Variants in LHFPL1 observed in about 807,000 individuals in gnomAD.
LHFPL1 encodes LHFPL tetraspan subfamily member 1.
A neutral mutation model predicts 12.1 loss-of-function variants in LHFPL1; 4 were observed. That is an observed-to-expected ratio of 0.33 (90% confidence interval 0.16 to 0.76). LHFPL1 has a LOEUF of 0.76. LHFPL1 is among the 30% of genes least tolerant of loss of function. LHFPL1 has a pLI of 0.61. For synonymous variants in LHFPL1, 52 were observed against 61.9 expected, an observed-to-expected ratio of 0.84 and a Z score of 0.75; for missense variants, 141 against 174.1, an observed-to-expected ratio of 0.81 and a Z score of 1.07.
In LHFPL1 at chrX:112,671,405, C is replaced by T. The variant is rs1931501693; in HGVS notation, c.-14-1G>A. 2 of 1,210,011 alleles carry T rather than the reference C, an allele frequency of 1.7e-6. No homozygotes were observed. Among genetic ancestry groups the T allele is most frequent in the Non-Finnish European group, 2.2e-6 (2 of 895,299 alleles). On this transcript the variant is annotated splice_acceptor_variant, in intron 1 of 3. Transcript: ENST00000371968. LOFTEE classifies it low-confidence loss of function (5UTR_SPLICE). ...CTGCTCCTCATGGTCACAGGTTTCT[C>T]TGCAGGGATGGGGAGATGAGTTGGA... is the stretch of plus-strand genomic sequence containing the variant.
intron 3 of LHFPL1, among the ~76,000 whole-genome samples, chrX:112,658,538 C>T (rs1049855842): frequency 2.7e-5 from 3 of 109,817 alleles, no homozygotes; most frequent in African/African-American, 6.6e-5. Flanking sequence ...AAAAGATGTT[C>T]GAAATCATCA....
chrX:112,675,491 G>T (rs2147734756), intron 1 of LHFPL1, among the ~76,000 whole-genome samples: 1 of 112,048 alleles, frequency 8.9e-6, no homozygotes. Flanking sequence ...GCGACGTTTT[G>T]AAGCCAAGAC....
At chrX:112,669,338 A>G (rs1298889419) in intron 2 of LHFPL1, among the ~76,000 whole-genome samples, 1 of 112,578 alleles carries the variant, frequency 8.9e-6, no homozygotes, top group African/African-American at 3.2e-5. Context: ...TGTAATACCC[A>G]TGGAGCTTCC....
chrX:112,675,861 A>G (rs942351683), intron 1 of LHFPL1, among the ~76,000 whole-genome samples: 2 of 112,720 alleles, frequency 1.8e-5, no homozygotes, highest in African/African-American at 6.4e-5. Context: ...ATATAAAGTT[A>G]AAAGTGACTA....
chrX:112,639,239 C>T (rs760520879), intron 3 of LHFPL1, among the ~76,000 whole-genome samples: 41 of 105,089 alleles, frequency 3.9e-4, no homozygotes, highest in African/African-American at 1.4e-3. Flanking sequence ...CCAAGCTGGG[C>T]GTGAGTGTCA....
intron 3 of LHFPL1, among the ~76,000 whole-genome samples, chrX:112,654,745 T>C (rs1334731656): frequency 9.0e-6 from 1 of 111,448 alleles, no homozygotes. Flanking sequence ...ACATGAATTA[T>C]TTTTATTTAA....
At chrX:112,661,291 C>T (rs758655229) in intron 2 of LHFPL1, among the ~76,000 whole-genome samples, 58 of 111,143 alleles carry the variant, frequency 5.2e-4, no homozygotes, top group African/African-American at 1.5e-3. Context: ...TGACGCCTTA[C>T]GCTAAATAAA....
intron 3 of LHFPL1, among the ~76,000 whole-genome samples, chrX:112,637,074 T>C (rs1240577895): frequency 3.6e-5 from 4 of 112,025 alleles, no homozygotes; most frequent in African/African-American, 1.3e-4. Flanking sequence ...TATTCCTTTT[T>C]GTGCTCTTCT....
intron 2 of LHFPL1, among the ~76,000 whole-genome samples, chrX:112,669,523 T>C (rs892287369): frequency 8.9e-6 from 1 of 112,535 alleles, no homozygotes; most frequent in African/African-American, 3.2e-5. Context: ...AATTCAGATT[T>C]AAAACTTTTA....
chrX:112,661,474 C>T (rs1444064699), intron 2 of LHFPL1, among the ~76,000 whole-genome samples: 2 of 111,745 alleles, frequency 1.8e-5, no homozygotes, highest in Non-Finnish European at 3.8e-5. Flanking sequence ...TACGTTTTCA[C>T]ATTTTATATC....
chrX:112,643,483 C>T (rs781620952), intron 3 of LHFPL1, among the ~76,000 whole-genome samples: 126 of 110,635 alleles, frequency 1.1e-3, no homozygotes, highest in African/African-American at 3.9e-3. Flanking sequence ...GGCACCTCTT[C>T]ACAGAGCAGC....
intron 3 of LHFPL1, among the ~76,000 whole-genome samples, chrX:112,655,762 T>C (rs2147714846): frequency 9.0e-6 from 1 of 111,228 alleles, no homozygotes; most frequent in Admixed American, 9.6e-5. Context: ...AAAGAGAGGG[T>C]TTCACCATGT....
At chrX:112,675,723 A>C (rs12396656) in intron 1 of LHFPL1, among the ~76,000 whole-genome samples, 25,823 of 110,761 alleles carry the variant, frequency 0.23, 4,751 homozygotes, top group African/African-American at 0.63. Flanking sequence ...AAGTCCCAAA[A>C]AACCTTGGAT....
intron 1 of LHFPL1, among the ~76,000 whole-genome samples, chrX:112,674,061 T>C (rs896808697): frequency 8.9e-6 from 1 of 111,795 alleles, no homozygotes; most frequent in African/African-American, 3.3e-5. Flanking sequence ...TATAAGGCCA[T>C]AGTCACCAAA....
intron 2 of LHFPL1, among the ~76,000 whole-genome samples, chrX:112,662,090 T>G (rs764471077): frequency 8.9e-6 from 1 of 112,552 alleles, no homozygotes; most frequent in Admixed American, 9.4e-5. Flanking sequence ...TTATAATAAA[T>G]TCCCTTTTCA....
Position 112,630,963 on chromosome X carries a change from G to A in LHFPL1, c.*457C>T, listed in dbSNP as rs1048956578. On this transcript the variant is annotated 3_prime_UTR_variant, in exon 4 of 4. Transcript: ENST00000371968. ...GGGGGAAGCAGGAGAAAAAAAGGAA[G>A]AGCCAAGGTATACTCCTGATAACGA... 1 of 112,136 alleles carries A rather than the reference G, an allele frequency of 8.9e-6. No individual in the cohort carries two copies. The highest frequency in any genetic ancestry group is 9.5e-5 in the Admixed American group (1 of 10,560). 9.2% of individuals were successfully genotyped at this position (112,136 alleles called of 1,213,427 possible).
At chrX:112,645,946 C>T (rs1453860220) in intron 3 of LHFPL1, among the ~76,000 whole-genome samples, 1 of 111,180 alleles carries the variant, frequency 9.0e-6, no homozygotes, top group Non-Finnish European at 1.9e-5. Context: ...GCAGCATCTA[C>T]CGTATACGTG....
chrX:112,678,967 A>T (rs754676945), intron 1 of LHFPL1, among the ~76,000 whole-genome samples: 2 of 112,166 alleles, frequency 1.8e-5, no homozygotes, highest in South Asian at 3.7e-4. Context: ...AATGGAAATG[A>T]TTAAGCATAA....
intron 3 of LHFPL1, among the ~76,000 whole-genome samples, chrX:112,633,498 T>G (rs1389962082): frequency 8.9e-6 from 1 of 112,270 alleles, no homozygotes; most frequent in Non-Finnish European, 1.9e-5. Flanking sequence ...TCCTCAGAAC[T>G]AAACATAATC....
Sources: allele counts gnomAD v4.1 joint callset (sites outside exome capture counted in the v4.1 genomes callset), GRCh38; gene constraint gnomAD v4.1.1; transcripts MANE v1.5; gene names NCBI Gene and HGNC (gene_info 2026-07-23, HGNC 2026-07-21).